ARHGAP18: variants seen among roughly 807,000 people sequenced by gnomAD.
ARHGAP18 encodes the protein Rho GTPase activating protein 18.
A neutral mutation model predicts 86.2 loss-of-function variants in ARHGAP18; 67 were observed. The ratio of observed to expected loss-of-function variants is 0.78; its 90% confidence interval spans 0.64 to 0.95. The LOEUF (loss-of-function observed/expected upper bound fraction) is 0.95. ARHGAP18 is among the 40% of genes least tolerant of loss of function. ARHGAP18 has a pLI of 0.00. For missense variants in ARHGAP18, 691 were observed against 780.4 expected, an observed-to-expected ratio of 0.89 and a Z score of 1.37; for synonymous variants, 283 against 280.4, an observed-to-expected ratio of 1.01 and a Z score of -0.09.
At chr6:129,621,148 T>C (rs943760118) in intron 5 of ARHGAP18, among the ~76,000 whole-genome samples, 2 of 152,234 alleles carry the variant, frequency 1.3e-5, no homozygotes, top group African/African-American at 4.8e-5. Context: ...TAAGTGTCCA[T>C]AGGTATAACC....
intron 1 of ARHGAP18, among the ~76,000 whole-genome samples, chr6:129,684,261 G>C (rs1465797030): frequency 6.6e-6 from 1 of 152,194 alleles, no homozygotes; most frequent in Non-Finnish European, 1.5e-5. Context: ...CAGCAAAAAT[G>C]CATGTGCAAA....
chr6:129,686,526 C>A (rs1169919605), intron 1 of ARHGAP18, among the ~76,000 whole-genome samples: 1 of 152,140 alleles, frequency 6.6e-6, no homozygotes, highest in South Asian at 2.1e-4. Context: ...AGACGCTTAC[C>A]CAGAGCTGCC....
Position 129,669,513 on chromosome 6 carries a change from C to A in ARHGAP18, c.114-27495G>T, listed in dbSNP as rs1584103967. Among the ~76,000 whole-genome samples the A allele has an allele frequency of 1.3e-5, 2 of 148,874 alleles. 1 individual carries two copies. Among genetic ancestry groups the A allele is most frequent in the South Asian group, 4.5e-4 (2 of 4,406 alleles). On this transcript the variant is annotated intron_variant, in intron 1 of 14. Coordinates refer to ENST00000368149, the MANE Select transcript of ARHGAP18 (RefSeq NM_033515.3). ...AAAGTCAGGAAAAATAGGCCAGGCG[C>A]GGTGGCTCATGCCTGTAATCCCAGC...
chr6:129,616,124 G>A (rs1180996654), intron 7 of ARHGAP18, 88 bp downstream of exon 7: 3 of 1,062,912 alleles, frequency 2.8e-6, no homozygotes, highest in South Asian at 4.3e-5. Context: ...TATATGAATT[G>A]GAAAACTGTA....
intron 2 of ARHGAP18, 106 bp downstream of exon 2, chr6:129,641,710 T>A (rs1040748646): frequency 4.8e-6 from 5 of 1,035,930 alleles, no homozygotes; most frequent in Non-Finnish European, 5.6e-6. Context: ...GTATCTTTTT[T>A]TGGTGGTCCT....
chr6:129,678,044 C>G (rs557181000), intron 1 of ARHGAP18, among the ~76,000 whole-genome samples: 1 of 152,228 alleles, frequency 6.6e-6, no homozygotes, highest in South Asian at 2.1e-4. Flanking sequence ...CTCTGCCTTA[C>G]ATTTCTACCA....
At chr6:129,616,046 A>G (rs1348788981) in intron 7 of ARHGAP18, among the ~76,000 whole-genome samples, 166 bp downstream of exon 7, 1 of 152,252 alleles carries the variant, frequency 6.6e-6, no homozygotes, top group East Asian at 1.9e-4. Context: ...CACCATGAAT[A>G]TAAAACTTAT....
chr6:129,600,675 G>C lies in ARHGAP18; in HGVS notation c.1539C>G (p.His513Gln), dbSNP rs1397735614. ...VMAAGTANTM[H>Q]LLIKYQKLLW... Reference sequence around the variant, plus strand: ...GAAGTTTTTGGTACTTAATCAATAAGTGCATGGTATTTGCTGTCCCAGCTG... The same window carrying C: ...GAAGTTTTTGGTACTTAATCAATAACTGCATGGTATTTGCTGTCCCAGCTG... Residue 513 changes from histidine (H) to glutamine (Q), a missense_variant, in exon 11 of 15, where the codon CAC becomes CAG. Coordinates refer to ENST00000368149, the MANE Select transcript of ARHGAP18 (RefSeq NM_033515.3). 2 of 1,613,562 alleles carry C rather than the reference G, an allele frequency of 1.2e-6. No individual in the cohort carries two copies. The highest frequency in any genetic ancestry group is 4.5e-5 in the East Asian group (2 of 44,848).
chr6:129,632,244 G>T (rs1773234245), intron 4 of ARHGAP18, among the ~76,000 whole-genome samples: 1 of 152,288 alleles, frequency 6.6e-6, no homozygotes, highest in Non-Finnish European at 1.5e-5. Context: ...CAGTGACTTG[G>T]ATGGCATCAC....
In ARHGAP18 at chr6:129,620,793, G is replaced by T. The variant is rs141280271; in HGVS notation, c.787-1941C>A. On this transcript the variant is annotated intron_variant, in intron 5 of 14. Transcript: ENST00000368149. ...TCAAAGTGTAGTCCAGGGACCATTG[G>T]GGGTATCCAATATCCTTCCAAAAAG... 5.3e-5 allele frequency among the ~76,000 whole-genome samples: 8 copies of T among 152,128 alleles called. 1 individual carries two copies. The highest frequency in any genetic ancestry group is 4.6e-4 in the Admixed American group (7 of 15,276).
rs1788204994 is a variant in ARHGAP18, at chr6:129,577,618, A to T, written c.*895T>A. The T allele has an allele frequency of 1.3e-5, 2 of 152,186 alleles. No homozygotes were observed. The highest frequency in any genetic ancestry group is 2.9e-5 in the Non-Finnish European group (2 of 68,018). The allele number at this position is 152,186 out of a possible 1,614,324, so 9.4% of individuals were successfully genotyped here. ...AAAAATCCCTCTTTAAGTAAAATACATTCTTCAACCATTACTGGATTATAC... is the reference window on the plus strand; with the variant it reads ...AAAAATCCCTCTTTAAGTAAAATACTTTCTTCAACCATTACTGGATTATAC... On this transcript the variant is annotated 3_prime_UTR_variant, in exon 15 of 15. Coordinates refer to ENST00000368149, the MANE Select transcript of ARHGAP18 (RefSeq NM_033515.3).
rs1024930619 is a variant in ARHGAP18, at chr6:129,618,280, C to T, written c.952+407G>A. Among the ~76,000 whole-genome samples, 18 of 152,268 alleles carry T rather than the reference C, an allele frequency of 1.2e-4. No homozygotes were observed. The East Asian group carries it at 2.3e-3, about 20-fold the overall frequency. ...GACTACTAACTAGCCCATTTATTTG[C>T]TATCCAATGAATAACCAAAAGTAGT... On this transcript the variant is annotated intron_variant, in intron 6 of 14. Transcript: ENST00000368149.
At chr6:129,627,912 CTCTTTG>C (rs1345890767) in intron 5 of ARHGAP18, among the ~76,000 whole-genome samples, 1 of 151,998 alleles carries the variant, frequency 6.6e-6, no homozygotes, top group Non-Finnish European at 1.5e-5. Flanking sequence ...TTAAAATCCC[CTCTTTG>C]TCTTTTAGAA....
chr6:129,668,778 G>A (rs1179150143), intron 1 of ARHGAP18, among the ~76,000 whole-genome samples: 1 of 152,146 alleles, frequency 6.6e-6, no homozygotes, highest in Non-Finnish European at 1.5e-5. Context: ...ACCATGTTGT[G>A]CACTGCTCTT....
At chr6:129,647,147 C>A (rs1017592655) in intron 1 of ARHGAP18, among the ~76,000 whole-genome samples, 4 of 151,976 alleles carry the variant, frequency 2.6e-5, no homozygotes, top group Non-Finnish European at 4.4e-5. Flanking sequence ...TTAAAAAAAA[C>A]CCCTCCCTTG....
intron 1 of ARHGAP18, among the ~76,000 whole-genome samples, chr6:129,660,772 G>C (rs1773934062): frequency 6.6e-6 from 1 of 152,130 alleles, no homozygotes; most frequent in African/African-American, 2.4e-5. Flanking sequence ...CCATGAAAGA[G>C]TTACTGGCTG....
At chr6:129,615,602 T>A (rs1201852176) in intron 7 of ARHGAP18, among the ~76,000 whole-genome samples, 1 of 152,174 alleles carries the variant, frequency 6.6e-6, no homozygotes, top group Admixed American at 6.5e-5. Flanking sequence ...CACAACTGAG[T>A]TGACCTGTCT....
chr6:129,678,295 G>A (rs1270677559), intron 1 of ARHGAP18, among the ~76,000 whole-genome samples: 1 of 152,140 alleles, frequency 6.6e-6, no homozygotes, highest in Non-Finnish European at 1.5e-5. Context: ...AATGCATTAT[G>A]GATTAGAAAG....
At chr6:129,629,761 A>G (rs958829814) in intron 4 of ARHGAP18, among the ~76,000 whole-genome samples, 1 of 152,158 alleles carries the variant, frequency 6.6e-6, no homozygotes, top group African/African-American at 2.4e-5. Flanking sequence ...CTTTGAGACC[A>G]CAATCCTCAA....
Sources: gnomAD v4.1 joint callset for allele counts (sites outside exome capture counted in the v4.1 genomes callset) on GRCh38, gnomAD v4.1.1 for gene constraint, MANE v1.5 for transcripts, NCBI Gene and HGNC (gene_info 2026-07-23, HGNC 2026-07-21) for gene names.